ARHGAP21: variants seen among roughly 807,000 people sequenced by gnomAD.
ARHGAP21 encodes the protein rho GTPase-activating protein 21.
ARHGAP21 carries 38 observed loss-of-function variants against 164.6 expected under a neutral mutation model. The ratio of observed to expected loss-of-function variants is 0.23; its 90% CI spans 0.18 to 0.30. ARHGAP21 has a LOEUF of 0.30. Ranked by LOEUF, ARHGAP21 falls within the 10% of genes least tolerant of loss-of-function variation. ARHGAP21 has a pLI of 1.00. For synonymous variants in ARHGAP21, 766 were observed against 857.9 expected (o/e 0.89, Z 1.87); for missense variants, 1,822 against 2,370.7 (o/e 0.77, Z 4.81).
chr10:24,682,765 A>G (rs1841890546), intron 2 of ARHGAP21, among the ~76,000 whole-genome samples: 1 of 151,986 alleles, frequency 6.6e-6, no homozygotes, highest in African/African-American at 2.4e-5. Flanking sequence ...ACGTATCTAG[A>G]TGTTTTTTCC....
At chr10:24,704,837 C>G (rs763111454) in intron 2 of ARHGAP21, among the ~76,000 whole-genome samples, 4 of 152,094 alleles carry the variant, frequency 2.6e-5, no homozygotes, top group Non-Finnish European at 5.9e-5. Context: ...AACTCCTGGG[C>G]TCAAGTGATC....
intron 2 of ARHGAP21, among the ~76,000 whole-genome samples, chr10:24,709,505 A>G (rs1844561581): frequency 6.6e-6 from 1 of 152,156 alleles, no homozygotes; most frequent in South Asian, 2.1e-4. Flanking sequence ...TGGGAGGCTG[A>G]GACGACAGGA....
chr10:24,585,835 G>C lies in ARHGAP21; in HGVS notation c.4454C>G (p.Thr1485Arg), dbSNP rs569426222. ...KENSTRKDPS[T>R]TKDEKISLGK... ...TAGTGATATCTTTTCATCTTTTGTC[G>C]TGCTGGGGTCTTTCCTAGTGCTGTT... The change falls in exon 26 of 26, where the codon ACG (threonine) becomes AGG (arginine). Residue 1485 changes from threonine to arginine, a missense_variant. Around this residue, in one of 5 missense-constraint regions of ARHGAP21, gnomAD observed 333 missense variants for 383.9 expected, o/e 0.87. Transcript: ENST00000396432. 6.2e-7 allele frequency: 1 copy of C among 1,613,802 alleles called. No homozygotes were observed. The highest frequency in any genetic ancestry group is 8.5e-7 in the Non-Finnish European group (1 of 1,179,890).
chr10:24,661,754 C>T (rs1165335534), intron 4 of ARHGAP21, among the ~76,000 whole-genome samples: 2 of 152,158 alleles, frequency 1.3e-5, no homozygotes, highest in African/African-American at 2.4e-5. Flanking sequence ...TCATAACATT[C>T]TGTTGAATTA....
rs143885641 is a variant in ARHGAP21 at position 24,620,020 on chromosome 10, A to G, written c.1875T>C (p.Ser625=). The part of the protein sequence containing the change: ...RSPLVKVRSN[S]LKAPSTHVTK... Reference sequence around the variant, plus strand: ...TGACATGCGTGGAAGGAGCTTTCAGAGAATTACTTCGGACTTTCACAAGAG... The same window carrying G: ...TGACATGCGTGGAAGGAGCTTTCAGGGAATTACTTCGGACTTTCACAAGAG... Residue 625 remains serine, a synonymous_variant, in exon 9 of 26, where the codon TCT becomes TCC. Coordinates refer to ENST00000396432, the MANE Select transcript of ARHGAP21 (RefSeq NM_020824.4). 2,785 of 1,613,996 alleles carry G rather than the reference A, an allele frequency of 1.7e-3. 1 individual carries two copies. Among genetic ancestry groups the G allele is most frequent in the Non-Finnish European group, 2.2e-3 (2,578 of 1,179,864 alleles).
chr10:24,608,033 A>ATAGGTCATTTAG, intron 9 of ARHGAP21, 130 bp from the exon 10 acceptor site: 1 of 754,052 alleles, frequency 1.3e-6, no homozygotes, highest in Non-Finnish European at 2.0e-6. Flanking sequence ...ACATCACTAA[A>ATAGGTCATTTAG]TGACCTATTC....
chr10:24,664,381 C>T (rs1817194555), intron 4 of ARHGAP21, among the ~76,000 whole-genome samples: 1 of 151,716 alleles, frequency 6.6e-6, no homozygotes, highest in Admixed American at 6.6e-5. Context: ...ATGGTGAAAC[C>T]CCGTTTCTAC....
intron 3 of ARHGAP21, among the ~76,000 whole-genome samples, chr10:24,669,071 C>T (rs1301317246): frequency 6.6e-6 from 1 of 151,912 alleles, no homozygotes; most frequent in Non-Finnish European, 1.5e-5. Flanking sequence ...TTTGAGAAAA[C>T]CCAAACAGAT....
chr10:24,614,640 G>A (rs568948941), intron 9 of ARHGAP21, among the ~76,000 whole-genome samples: 12 of 151,238 alleles, frequency 7.9e-5, no homozygotes, highest in Admixed American at 5.3e-4. Flanking sequence ...AAAATTAGCC[G>A]GGTGTGGTGG....
chr10:24,672,951 A>G (rs913488894), intron 2 of ARHGAP21, among the ~76,000 whole-genome samples: 2 of 152,336 alleles, frequency 1.3e-5, no homozygotes, highest in African/African-American at 4.8e-5. Flanking sequence ...TTAAAATACC[A>G]TTTATAATTA....
rs1433606781 is a variant in ARHGAP21 at position 24,585,340 on chromosome 10, G to A, written c.4949C>T (p.Ser1650Leu). The stretch of plus-strand genomic sequence containing the variant: ...CAGTTTTCCTCGGAAAAGCCTCTCT[G>A]AAGTCAAGGCTGTGGGGAACACGGG... ...EFPVFPTALT[S>L]ERLFRGKLQE... Residue 1650 changes from serine to leucine, a missense_variant, in exon 26 of 26, where the codon TCA (serine) becomes TTA (leucine). Physicochemically the swap from Ser to Leu is moderately radical, Grantham distance 145. This residue lies in a region of ARHGAP21 where 333 missense variants were observed against 383.9 expected (regional missense o/e 0.87). Transcript: ENST00000396432. The A allele has an allele frequency of 1.9e-6, 3 of 1,613,360 alleles. No individual in the cohort carries two copies. The highest frequency in any genetic ancestry group is 2.5e-6 in the Non-Finnish European group (3 of 1,180,016).
intron 2 of ARHGAP21, among the ~76,000 whole-genome samples, chr10:24,696,687 C>T (rs1403758418): frequency 2.6e-5 from 4 of 152,050 alleles, no homozygotes; most frequent in Admixed American, 2.0e-4. Context: ...AAAATGATGG[C>T]CCACATTAAA....
At chr10:24,636,001 G>T (rs144747795) in intron 4 of ARHGAP21, among the ~76,000 whole-genome samples, 1 of 152,146 alleles carries the variant, frequency 6.6e-6, no homozygotes, top group Non-Finnish European at 1.5e-5. Context: ...ACAAAATACA[G>T]TCATGGCAAT....
intron 2 of ARHGAP21, among the ~76,000 whole-genome samples, chr10:24,708,660 T>C (rs1844477057): frequency 6.6e-6 from 1 of 152,366 alleles, no homozygotes; most frequent in South Asian, 2.1e-4. Context: ...CACCCACTTA[T>C]GAGCGAGAAC....
chr10:24,705,284 T>G (rs1427117566), intron 2 of ARHGAP21, among the ~76,000 whole-genome samples: 1 of 152,204 alleles, frequency 6.6e-6, no homozygotes, highest in African/African-American at 2.4e-5. Flanking sequence ...TCTATCTTCT[T>G]TTATCCTCTT....
intron 2 of ARHGAP21, among the ~76,000 whole-genome samples, chr10:24,674,549 G>T (rs1294534657): frequency 9.9e-5 from 15 of 151,784 alleles, no homozygotes; most frequent in Non-Finnish European, 1.6e-4. Flanking sequence ...AGCCAGGTGT[G>T]GTGGTGCATG....
rs1845998308 is a variant in ARHGAP21, at chr10:24,722,174, C to T, written c.-275G>A. 4.1e-6 allele frequency: 2 copies of T among 483,630 alleles called. No individual in the cohort carries two copies. Among genetic ancestry groups the T allele is most frequent in the Non-Finnish European group, 7.6e-6 (2 of 264,304 alleles). The allele number at this position is 483,630 out of a possible 1,614,324, so 30.0% of individuals were successfully genotyped here. ...GACAGGTCTTCTTGGCAGCCAGTGTCGAGGCCAATTGCAGAAAGCGGTCCC... is the reference window on the plus strand; with the variant it reads ...GACAGGTCTTCTTGGCAGCCAGTGTTGAGGCCAATTGCAGAAAGCGGTCCC... On this transcript the variant is annotated 5_prime_UTR_variant, in exon 2 of 26. Coordinates refer to ENST00000396432, the MANE Select transcript of ARHGAP21 (RefSeq NM_020824.4).
intron 2 of ARHGAP21, among the ~76,000 whole-genome samples, chr10:24,717,999 G>T (rs912974088): frequency 1.2e-4 from 18 of 152,186 alleles, no homozygotes; most frequent in African/African-American, 4.3e-4. Context: ...TCTGATTACA[G>T]TAGGGACAGA....
intron 2 of ARHGAP21, among the ~76,000 whole-genome samples, chr10:24,707,144 CTTCT>C (rs1844318791): frequency 6.6e-6 from 1 of 152,214 alleles, no homozygotes; most frequent in South Asian, 2.1e-4. Flanking sequence ...TCTCTTACTA[CTTCT>C]TTAACTATTA....
Sources: allele counts gnomAD v4.1 joint callset (sites outside exome capture counted in the v4.1 genomes callset), GRCh38; gene constraint gnomAD v4.1.1; regional missense constraint gnomAD v4.1.1; transcripts MANE v1.5; gene names NCBI Gene and HGNC (gene_info 2026-07-23, HGNC 2026-07-21).